The following FRMD4B variants were observed in gnomAD, a reference collection of about 807,000 sequenced individuals.
The protein encoded by FRMD4B is FERM domain-containing protein 4B.
FRMD4B carries 74 observed loss-of-function variants against 141.5 expected under a neutral mutation model. That is an observed-to-expected ratio of 0.52 (90% confidence interval 0.43 to 0.63). The LOEUF is 0.63. Ranked by LOEUF, FRMD4B falls within the 30% of genes least tolerant of loss-of-function variation. FRMD4B has a pLI of 0.00. For synonymous variants in FRMD4B, 506 were observed against 467.9 expected (o/e 1.08, Z -1.05); for missense variants, 1,366 against 1,253.4 (o/e 1.09, Z -1.36).
At chr3:69,192,113 G>C (rs974923402) in intron 17 of FRMD4B, among the ~76,000 whole-genome samples, 4 of 152,158 alleles carry the variant, frequency 2.6e-5, no homozygotes, top group African/African-American at 9.7e-5. Context: ...GGCTGGGCGT[G>C]GTGGCTCACA....
Position 69,253,181 on chromosome 3 carries a change from C to CTTTTTTTTTTTTT in FRMD4B, c.502-3083_502-3082insAAAAAAAAAAAAA, listed in dbSNP as rs781662739. Among the ~76,000 whole-genome samples, 5 of 121,952 alleles carry CTTTTTTTTTTTTT rather than the reference C, an allele frequency of 4.1e-5. 1 individual carries two copies. The highest frequency in any genetic ancestry group is 9.2e-5 in the African/African-American group (3 of 32,546). 80.0% of individuals were successfully genotyped at this position (121,952 alleles called of 152,430 possible). On this transcript the variant is annotated intron_variant, in intron 5 of 22. Coordinates refer to ENST00000398540, the MANE Select transcript of FRMD4B (RefSeq NM_015123.3). ...AGGGAAATTAGTGAAAATATGATTC[C>CTTTTTTTTTTTTT]TATTTTTTTTTTTTTTTTTTTTTGC...
intron 1 of FRMD4B, among the ~76,000 whole-genome samples, chr3:69,487,468 C>G (rs1706233897): frequency 6.6e-6 from 1 of 152,106 alleles, no homozygotes; most frequent in Admixed American, 6.5e-5. Context: ...CCCAGCCTAT[C>G]TGGAAGAGAA....
rs1174513919 is a variant in FRMD4B at position 69,235,197 on chromosome 3, A to ATAATAT, written c.582-10508_582-10507insATATTA. ...AATAATAATAATAATAATAATAATAATATTTTCAAGAAAGAAACTGTAATC... is the reference window on the plus strand; with the variant it reads ...AATAATAATAATAATAATAATAATAATAATATTATTTTCAAGAAAGAAACTGTAATC... On this transcript the variant is annotated intron_variant, in intron 7 of 22. Transcript: ENST00000398540. Among the ~76,000 whole-genome samples the ATAATAT allele has an allele frequency of 1.4e-4, 20 of 141,116 alleles. No individual in the cohort carries two copies. The East Asian group carries it at 3.6e-3, about 26-fold the overall frequency. 92.6% of individuals were successfully genotyped at this position (141,116 alleles called of 152,430 possible).
At chr3:69,390,241 G>A (rs934028435), upstream of FRMD4B, among the ~76,000 whole-genome samples, 3 of 152,132 alleles carry the variant, frequency 2.0e-5, no homozygotes, top group Non-Finnish European at 4.4e-5. Context: ...AAAACACAGA[G>A]TCCACCTAAT....
chr3:69,250,281 C>CTGTGTGTGAGTG, intron 5 of FRMD4B, 182 bp from the exon 6 acceptor site: 1 of 511,730 alleles, frequency 2.0e-6, no homozygotes, highest in Non-Finnish European at 3.5e-6. Flanking sequence ...GGCGAAACCA[C>CTGTGTGTGAGTG]TGTGTGTGCG....
intron 19 of FRMD4B, among the ~76,000 whole-genome samples, chr3:69,185,945 G>C (rs958107889): frequency 6.6e-6 from 1 of 151,894 alleles, no homozygotes; most frequent in African/African-American, 2.4e-5. Context: ...GGAAGGCTGA[G>C]GGGGGAGAAT....
At chr3:69,521,763 C>T (rs1404434554) in intron 1 of FRMD4B, among the ~76,000 whole-genome samples, 3 of 152,112 alleles carry the variant, frequency 2.0e-5, no homozygotes, top group East Asian at 1.9e-4. Flanking sequence ...TACCCTCTTC[C>T]TAGGAATACC....
chr3:69,233,421 C>G (rs1185883678), intron 7 of FRMD4B, among the ~76,000 whole-genome samples: 2 of 150,328 alleles, frequency 1.3e-5, no homozygotes, highest in African/African-American at 4.9e-5. Context: ...GAGTTCGAGG[C>G]TGCAATGAGC....
intron 7 of FRMD4B, among the ~76,000 whole-genome samples, chr3:69,245,470 C>T (rs561917721): frequency 6.6e-6 from 1 of 151,972 alleles, no homozygotes; most frequent in South Asian, 2.1e-4. Context: ...TCTCAGCCTC[C>T]TCAGGAGCTG....
At chr3:69,233,866 T>C (rs1197669050) in intron 7 of FRMD4B, among the ~76,000 whole-genome samples, 1 of 151,034 alleles carries the variant, frequency 6.6e-6, no homozygotes, top group Non-Finnish European at 1.5e-5. Context: ...TTTCTTTGTC[T>C]GTGCTTACTA....
chr3:69,245,584 T>G (rs1033901658), intron 7 of FRMD4B, among the ~76,000 whole-genome samples: 2 of 151,972 alleles, frequency 1.3e-5, no homozygotes, highest in Non-Finnish European at 2.9e-5. Flanking sequence ...TGGCCTCGAG[T>G]GATCCGCCTA....
chr3:69,290,636 C>CA (rs2107091548), intron 4 of FRMD4B, among the ~76,000 whole-genome samples: 1 of 152,236 alleles, frequency 6.6e-6, no homozygotes, highest in East Asian at 1.9e-4. Context: ...TAATTAAGGG[C>CA]GGCAGCAGGA....
chr3:69,249,945 A>G (rs2093450362), intron 6 of FRMD4B, 98 bp downstream of exon 6: 1 of 795,230 alleles, frequency 1.3e-6, no homozygotes, highest in Admixed American at 2.0e-5. Context: ...TAAAAATCCA[A>G]CAAACACTGG....
Position 69,200,860 on chromosome 3 carries a change from G to A in FRMD4B, c.877-2086C>T, listed in dbSNP as rs112452409. 399 of 464,696 alleles carry A rather than the reference G, an allele frequency of 8.6e-4. 4 individuals are homozygous for A. Among genetic ancestry groups the A allele is most frequent in the African/African-American group, 6.9e-3 (345 of 50,328 alleles). The allele number at this position is 464,696 out of a possible 1,614,324, so 28.8% of individuals were successfully genotyped here. A position where few individuals can be genotyped will look rare whatever the true frequency, so the allele number is the denominator to read the frequency against. ...GGAAGAGTTACAATGCAGCTCAGCTGTGTTTTCCTTTGCGTCCATTCCCAC... is the reference window on the plus strand; with the variant it reads ...GGAAGAGTTACAATGCAGCTCAGCTATGTTTTCCTTTGCGTCCATTCCCAC... On this transcript the variant is annotated intron_variant, in intron 11 of 22. Transcript: ENST00000398540.
chr3:69,441,930 G>C (rs1409826323), intron 1 of FRMD4B, among the ~76,000 whole-genome samples: 1 of 152,096 alleles, frequency 6.6e-6, no homozygotes, highest in Non-Finnish European at 1.5e-5. Context: ...TTTCCAAGTG[G>C]CTTAGAACAG....
intron 2 of FRMD4B, among the ~76,000 whole-genome samples, chr3:69,420,936 G>C (rs1704965593): frequency 6.6e-6 from 1 of 152,170 alleles, no homozygotes; most frequent in Admixed American, 6.5e-5. Flanking sequence ...ACTTGGCAAG[G>C]GTAAACAATA....
At chr3:69,253,340 G>A (rs908279831) in intron 5 of FRMD4B, among the ~76,000 whole-genome samples, 1 of 151,958 alleles carries the variant, frequency 6.6e-6, no homozygotes, top group African/African-American at 2.4e-5. Context: ...TGACTGCAGT[G>A]CAAATTCTTA....
intron 1 of FRMD4B, chr3:69,535,703 T>G (rs1701074274): frequency 2.6e-6 from 1 of 390,262 alleles, no homozygotes; most frequent in Admixed American, 3.1e-5. Flanking sequence ...GAGGAGACCG[T>G]AATGGGCAGT....
At chr3:69,402,427 TATGAC>T (rs1364840829) in intron 2 of FRMD4B, among the ~76,000 whole-genome samples, 1 of 152,232 alleles carries the variant, frequency 6.6e-6, no homozygotes, top group Non-Finnish European at 1.5e-5. Context: ...TAGATTTCCT[TATGAC>T]ATATGAAATA....
Sources: gnomAD v4.1 joint callset for allele counts (sites outside exome capture counted in the v4.1 genomes callset) on GRCh38, gnomAD v4.1.1 for gene constraint, MANE v1.5 for transcripts, NCBI Gene and HGNC (gene_info 2026-07-23, HGNC 2026-07-21) for gene names.